Variants in TAF1C observed in about 807,000 individuals in gnomAD.
TAF1C encodes TATA box-binding protein-associated factor RNA polymerase I subunit C.
TAF1C carries 79 observed loss-of-function variants against 70.5 expected under a neutral mutation model. The ratio of observed to expected loss-of-function variants is 1.12; its 90% CI spans 0.93 to 1.35. TAF1C has a LOEUF of 1.35. TAF1C is among the 40% of genes most tolerant of loss of function. The pLI, the probability that TAF1C is intolerant of heterozygous loss-of-function variation, is 0.00. For synonymous variants in TAF1C, 614 were observed against 491.1 expected, an observed-to-expected ratio of 1.25 and a Z score of -3.31; for missense variants, 1,412 against 1,127.8, an observed-to-expected ratio of 1.25 and a Z score of -3.61.
rs1368080871 is a variant in TAF1C at position 84,178,951 on chromosome 16, A to G, written c.2522T>C (p.Met841Thr). The G allele has an allele frequency of 1.2e-6, 2 of 1,605,992 alleles. No homozygotes were observed. ...GCCCACCTTGTGTCCTCAGAAGCCC[A>G]TTCGAGGCTTCTTCCGGAGGGGCTG... is the stretch of plus-strand genomic sequence containing the variant. ...SSQPLRKKPRMGF is the reference protein window; with the variant it reads ...SSQPLRKKPRTGF The change falls in exon 15 of 15, where the codon ATG becomes ACG. Residue 841 changes from methionine (M) to threonine (T), a missense_variant. Physicochemically the swap from Met to Thr is moderately conservative, Grantham distance 81. Coordinates refer to ENST00000566732, the MANE Select transcript of TAF1C (RefSeq NM_001243156.2).
Position 84,184,872 on chromosome 16 carries a change from C to T in TAF1C, c.117G>A (p.Glu39=), listed in dbSNP as rs151038352. Residue 39 remains glutamate (E), a synonymous_variant, in exon 2 of 15, where the codon GAG becomes GAA. Transcript: ENST00000566732. The part of the protein sequence containing the change: ...CSWRDALTLP[E]AQPQNSENGA... ...TCACCTCTGAGTTCTGGGGCTGGGC[C>T]TCTGGCAGAGTCAGTGCGTCTCGCC... 203 of 1,608,620 alleles carry T rather than the reference C, an allele frequency of 1.3e-4. 1 individual carries two copies. The highest frequency in any genetic ancestry group is 1.6e-4 in the Middle Eastern group (1 of 6,076).
chr16:84,180,089 G>A lies in TAF1C; in HGVS notation c.1484-6C>T. 6.3e-7 allele frequency: 1 copy of A among 1,590,550 alleles called. No homozygotes were observed. The highest frequency in any genetic ancestry group is 8.5e-7 in the Non-Finnish European group (1 of 1,170,268). On this transcript the variant is annotated splice_region_variant and splice_polypyrimidine_tract_variant and intron_variant, in intron 13 of 14. Coordinates refer to ENST00000566732, the MANE Select transcript of TAF1C (RefSeq NM_001243156.2). ...GGGCACCGACGCCCCTTCTCCTGAG[G>A]AAGGACAGACAGCTGAGGCCCTGTC...
At position 84,178,238 on chromosome 16, in the gene TAF1C, G is replaced by T. The variant is rs1229606320; in HGVS notation, c.*703C>A. 4.7e-6 allele frequency: 2 copies of T among 428,754 alleles called. No individual in the cohort carries two copies. Among genetic ancestry groups the T allele is most frequent in the Non-Finnish European group, 9.4e-6 (2 of 211,934 alleles). The allele number at this position is 428,754 out of a possible 1,614,324, so 26.6% of individuals were successfully genotyped here. A position where few individuals can be genotyped will look rare whatever the true frequency, so the allele number is the denominator to read the frequency against. On this transcript the variant is annotated 3_prime_UTR_variant, in exon 15 of 15. Coordinates refer to ENST00000566732, the MANE Select transcript of TAF1C (RefSeq NM_001243156.2). ...ACATGACCGTGACCCTCTGCTCAGA[G>T]GGCACTATCGACAGCCCACAGGTGC...
chr16:84,182,555 C>T lies in TAF1C; in HGVS notation c.483-115G>A. ...TTTCTTATTTACCTAGAATTTCTTC[C>T]TTTGGGAGACCACCCCATCCTGTTC... On this transcript the variant is annotated intron_variant, in intron 6 of 14. Transcript: ENST00000566732. This position sits in a 1 kb window ranked among gnomAD's most constrained non-coding sequence, Gnocchi z 5.0. 1.0e-6 allele frequency: 1 copy of T among 995,420 alleles called. No homozygotes were observed. Among genetic ancestry groups the T allele is most frequent in the Non-Finnish European group, 1.4e-6 (1 of 691,072 alleles). 61.7% of individuals were successfully genotyped at this position (995,420 alleles called of 1,614,324 possible). A position where few individuals can be genotyped will look rare whatever the true frequency, so the allele number is the denominator to read the frequency against.
Position 84,179,412 on chromosome 16 carries a change from T to C in TAF1C, c.2061A>G (p.Leu687=). 1.3e-6 allele frequency: 2 copies of C among 1,597,764 alleles called. No homozygotes were observed. Among genetic ancestry groups the C allele is most frequent in the Non-Finnish European group, 1.7e-6 (2 of 1,177,830 alleles). ...CCAGGCGCTCACTGAGCTTGTCCTC[T>C]AGGCCTGACTCGGGTGCAGGGGGTG... ...AEPPPAPESG[L]EDKLSERLGE... The change falls in exon 15 of 15, where the codon CTA becomes CTG. Residue 687 remains leucine (L), a synonymous_variant. Coordinates refer to ENST00000566732, the MANE Select transcript of TAF1C (RefSeq NM_001243156.2).
chr16:84,179,728 C>A lies in TAF1C; in HGVS notation c.1745G>T (p.Arg582Leu). Residue 582 changes from arginine (R) to leucine (L), a missense_variant, in exon 15 of 15, where the codon CGC becomes CTC. By Grantham distance (102) the Arg-to-Leu change is moderately radical. Coordinates refer to ENST00000566732, the MANE Select transcript of TAF1C (RefSeq NM_001243156.2). ...GTCGCCAGGAGGCCCAGCATCTCTG[C>A]GGAGGCTGGAGTCCACCTGGGGGCG... Reference protein sequence around the residue: ...QLRPQVDSSLRRDAGPPGDTQ... With the variant: ...QLRPQVDSSLLRDAGPPGDTQ... 3.7e-6 allele frequency: 6 copies of A among 1,611,876 alleles called. No homozygotes were observed. Among genetic ancestry groups the A allele is most frequent in the Non-Finnish European group, 3.4e-6 (4 of 1,179,750 alleles).
In TAF1C at chr16:84,177,876, T is replaced by C; in HGVS notation, c.*1065A>G. 1 of 1,546,250 alleles carries C rather than the reference T, an allele frequency of 6.5e-7. No individual in the cohort carries two copies. Among genetic ancestry groups the C allele is most frequent in the Middle Eastern group, 1.7e-4 (1 of 5,920 alleles). On this transcript the variant is annotated 3_prime_UTR_variant, in exon 15 of 15. Coordinates refer to ENST00000566732, the MANE Select transcript of TAF1C (RefSeq NM_001243156.2). Reference sequence around the variant, plus strand: ...GTTATATGTAGCATAAATGGTTTAATCATAAATGTCTCCCTTAGGCATGAT... The same window carrying C: ...GTTATATGTAGCATAAATGGTTTAACCATAAATGTCTCCCTTAGGCATGAT...
rs372659838 is a variant in TAF1C, at chr16:84,179,280, G to A, written c.2193C>T (p.Ser731=). ...CATGGCCACTGAGCGAAAAGCTGCT[G>A]GACAGCTGGGTCCGGCGCTTGGGCC... ...TRRPKRRTQL[S]SSFSLSGHVD... is the part of the protein sequence containing the mutation. The change falls in exon 15 of 15, where the codon TCC becomes TCT. Residue 731 remains serine (S), a synonymous_variant. Coordinates refer to ENST00000566732, the MANE Select transcript of TAF1C (RefSeq NM_001243156.2). 69 of 1,589,972 alleles carry A rather than the reference G, an allele frequency of 4.3e-5. 1 individual carries two copies. The highest frequency in any genetic ancestry group is 5.5e-5 in the Non-Finnish European group (65 of 1,174,274).
rs1192067349 is a variant in TAF1C, at chr16:84,178,727, T to C, written c.*214A>G. 1 of 602,752 alleles carries C rather than the reference T, an allele frequency of 1.7e-6. No homozygotes were observed. The highest frequency in any genetic ancestry group is 2.9e-6 in the Non-Finnish European group (1 of 346,596). 37.3% of individuals were successfully genotyped at this position (602,752 alleles called of 1,614,324 possible). ...ACCTCCAGCCTGCCTTGCGGGATGA[T>C]CTTCAGGCGAATATACAAAATACAA... On this transcript the variant is annotated 3_prime_UTR_variant, in exon 15 of 15. Transcript: ENST00000566732.
In TAF1C at chr16:84,178,073, A is replaced by G. The variant is rs2088841709; in HGVS notation, c.*868T>C. ...AAAATCTCAAGTGAGCATTTTCCCC[A>G]CAGGAAAACAGAATCTTCCACTGCA... On this transcript the variant is annotated 3_prime_UTR_variant, in exon 15 of 15. Transcript: ENST00000566732. The G allele has an allele frequency of 7.9e-6, 4 of 508,860 alleles. No individual in the cohort carries two copies. The highest frequency in any genetic ancestry group is 1.1e-3 in the Middle Eastern group (2 of 1,776). The allele number at this position is 508,860 out of a possible 1,614,324, so 31.5% of individuals were successfully genotyped here. A position where few individuals can be genotyped will look rare whatever the true frequency, so the allele number is the denominator to read the frequency against.
chr16:84,180,227 C>T lies in TAF1C; in HGVS notation c.1426G>A (p.Val476Met), dbSNP rs767127083. 20 of 1,538,690 alleles carry T rather than the reference C, an allele frequency of 1.3e-5. No individual in the cohort carries two copies. Among genetic ancestry groups the T allele is most frequent in the East Asian group, 2.4e-5 (1 of 41,594 alleles). Reference sequence around the variant, plus strand: ...TGGCCTCCGAGGAGCAGGGGCTGCACGCAGCTGGGCCGGGGCGGAGGCAGC... The same window carrying T: ...TGGCCTCCGAGGAGCAGGGGCTGCATGCAGCTGGGCCGGGGCGGAGGCAGC... ...RLLPPPRPSC[V>M]QPLLLGGQGG... is the part of the protein sequence containing the mutation. Residue 476 changes from valine to methionine, a missense_variant, in exon 13 of 15, where the codon GTG (valine) becomes ATG (methionine). Physicochemically the swap from Val to Met is conservative, Grantham distance 21. Coordinates refer to ENST00000566732, the MANE Select transcript of TAF1C (RefSeq NM_001243156.2).
rs1414121563 is a variant in TAF1C at position 84,179,512 on chromosome 16, C to T, written c.1961G>A (p.Gly654Asp). Residue 654 changes from glycine to aspartate, a missense_variant, in exon 15 of 15, where the codon GGT becomes GAT. Coordinates refer to ENST00000566732, the MANE Select transcript of TAF1C (RefSeq NM_001243156.2). ...RREEEEGQRL[G>D]VLRKAMARGQ... is the part of the protein sequence containing the mutation. ...TCGGGCCATGGCCTTGCGGAGCACACCCAGCCGCTGCCCTTCCTCTTCCTC... is the reference window on the plus strand; with the variant it reads ...TCGGGCCATGGCCTTGCGGAGCACATCCAGCCGCTGCCCTTCCTCTTCCTC... The T allele has an allele frequency of 6.2e-7, 1 of 1,603,864 alleles. No individual in the cohort carries two copies. Among genetic ancestry groups the T allele is most frequent in the Non-Finnish European group, 8.5e-7 (1 of 1,175,660 alleles).
At chr16:84,180,508 A>T (rs1322139867) in intron 12 of TAF1C, 164 bp from the exon 13 acceptor site, 1 of 726,018 alleles carries the variant, frequency 1.4e-6, no homozygotes, top group Non-Finnish European at 2.1e-6. Context: ...GCCAGCCCTG[A>T]ACAGGTGCCG....
chr16:84,181,577 A>C lies in TAF1C; in HGVS notation c.1028+15T>G, dbSNP rs1381898455. The C allele has an allele frequency of 6.2e-7, 1 of 1,613,810 alleles. No homozygotes were observed. The highest frequency in any genetic ancestry group is 1.3e-5 in the African/African-American group (1 of 74,900). On this transcript the variant is annotated intron_variant, in intron 10 of 14. Coordinates refer to ENST00000566732, the MANE Select transcript of TAF1C (RefSeq NM_001243156.2). ...AGTTCGTTAGGGTGGGGGGTTTCAC[A>C]GGAAGCGGCGATACCCATCCTCAGG...
chr16:84,180,065 G>T lies in TAF1C; in HGVS notation c.1502C>A (p.Pro501His). Residue 501 changes from proline (P) to histidine (H), a missense_variant, in exon 14 of 15, where the codon CCC (proline) becomes CAC (histidine). Coordinates refer to ENST00000566732, the MANE Select transcript of TAF1C (RefSeq NM_001243156.2). The part of the protein sequence containing the change: ...LHLAGEGASV[P>H]RLAGPPQSLP... ...AGACTGGGGGGGGCCTGCCAGGCGGGGCACCGACGCCCCTTCTCCTGAGGA... is the reference window on the plus strand; with the variant it reads ...AGACTGGGGGGGGCCTGCCAGGCGGTGCACCGACGCCCCTTCTCCTGAGGA... The T allele has an allele frequency of 1.9e-6, 3 of 1,601,052 alleles. No homozygotes were observed. Among genetic ancestry groups the T allele is most frequent in the Middle Eastern group, 1.7e-4 (1 of 5,980 alleles).
rs369419799 is a variant in TAF1C, at chr16:84,177,921, C to T, written c.*1020G>A. 2.8e-5 allele frequency: 33 copies of T among 1,191,094 alleles called. 1 individual carries two copies. Among genetic ancestry groups the T allele is most frequent in the Middle Eastern group, 2.1e-4 (1 of 4,740 alleles). 73.8% of individuals were successfully genotyped at this position (1,191,094 alleles called of 1,614,324 possible). The stretch of plus-strand genomic sequence containing the variant: ...CATGATAAACATTTTAACACCCACG[C>T]GAGTCAGTGTATGATTGGGCTAGCT... On this transcript the variant is annotated 3_prime_UTR_variant, in exon 15 of 15. Transcript: ENST00000566732.
intron 2 of TAF1C, 151 bp from the exon 3 acceptor site, chr16:84,183,929 G>A (rs1234947328): frequency 1.7e-6 from 1 of 598,564 alleles, no homozygotes; most frequent in Non-Finnish European, 2.9e-6. Context: ...TACTGCTGAA[G>A]AAACTGAGGC....
In TAF1C at chr16:84,181,945, C is replaced by T. The variant is rs927868128; in HGVS notation, c.835G>A (p.Glu279Lys). ...RQVVTCTVQGETLLAVRSDYH... is the reference protein window; with the variant it reads ...RQVVTCTVQGKTLLAVRSDYH... ...AAAGTGTATATAAGGGCCTTACTTT[C>T]TCCCTGGACGGTGCATGTCACCACT... Residue 279 changes from glutamate (E) to lysine (K), a missense_variant, in exon 8 of 15, where the codon GAA (glutamate) becomes AAA (lysine). Transcript: ENST00000566732. 1.2e-6 allele frequency: 2 copies of T among 1,613,924 alleles called. No homozygotes were observed. The highest frequency in any genetic ancestry group is 1.3e-5 in the African/African-American group (1 of 74,930).
chr16:84,181,698 C>T (rs369408103), intron 9 of TAF1C, 35 bp from the exon 10 acceptor site: 27 of 1,613,772 alleles, frequency 1.7e-5, no homozygotes, highest in Non-Finnish European at 2.3e-5. Context: ...TCGGGCTGCT[C>T]AGCCCTGCCT....
Sources: allele counts gnomAD v4.1 joint callset, GRCh38; gene constraint gnomAD v4.1.1; non-coding constraint Gnocchi (gnomAD v3.1); transcripts MANE v1.5; gene names NCBI Gene and HGNC (gene_info 2026-07-23, HGNC 2026-07-21).